CCDC171: variants seen among roughly 807,000 people sequenced by gnomAD.
The protein encoded by CCDC171 is coiled-coil domain containing 171.
Under a neutral mutation model 168.2 loss-of-function variants are expected in CCDC171, and 177 were observed. The observed-to-expected ratio is 1.05, with a 90% CI of 0.93 to 1.19. The LOEUF (loss-of-function observed/expected upper bound fraction) is 1.19. CCDC171 is among the 50% of genes most tolerant of loss of function. The pLI is 0.00. For synonymous variants in CCDC171, 687 were observed against 540.8 expected, an observed-to-expected ratio of 1.27 and a Z score of -3.75; for missense variants, 1,991 against 1,539.0, an observed-to-expected ratio of 1.29 and a Z score of -4.91.
chr9:15,767,227 C>G (rs2056771358), intron 18 of CCDC171, among the ~76,000 whole-genome samples: 1 of 152,092 alleles, frequency 6.6e-6, no homozygotes, highest in Non-Finnish European at 1.5e-5. Flanking sequence ...TCTTATTGGG[C>G]CAAAATCAAG....
At chr9:15,963,080 A>T (rs1241149608) in intron 25 of CCDC171, among the ~76,000 whole-genome samples, 4 of 152,084 alleles carry the variant, frequency 2.6e-5, no homozygotes. Flanking sequence ...TTATTTTTAA[A>T]AAGTTTTGTT....
At chr9:15,658,208 G>A (rs2048077117) in intron 8 of CCDC171, among the ~76,000 whole-genome samples, 2 of 152,206 alleles carry the variant, frequency 1.3e-5, no homozygotes, top group Admixed American at 1.3e-4. Flanking sequence ...ATAATGGTGG[G>A]AAGGCATGAT....
At position 15,648,365 on chromosome 9, in the gene CCDC171, C is replaced by G. The variant is rs569581365; in HGVS notation, c.823-8762C>G. Among the ~76,000 whole-genome samples the G allele has an allele frequency of 3.4e-4, 52 of 152,264 alleles. No individual in the cohort carries two copies. The South Asian group carries it at 6.0e-3, about 18-fold the overall frequency. On this transcript the variant is annotated intron_variant, in intron 7 of 25. Transcript: ENST00000380701. ...TCCAGGGATGCCCTCTCTCACCATT[C>G]CTATTCAACATAGTGTTGGAAGTTC... is the stretch of plus-strand genomic sequence containing the variant.
chr9:15,726,226 C>A (rs1209898249), intron 14 of CCDC171, among the ~76,000 whole-genome samples: 1 of 152,124 alleles, frequency 6.6e-6, no homozygotes, highest in African/African-American at 2.4e-5. Context: ...AGAAGCCTGA[C>A]TATATTGTAA....
At chr9:15,931,658 C>T (rs190897532) in intron 25 of CCDC171, among the ~76,000 whole-genome samples, 2 of 151,134 alleles carry the variant, frequency 1.3e-5, no homozygotes, top group East Asian at 2.0e-4. Context: ...GTTTTTGTTG[C>T]CTGTGTTTTT....
intron 21 of CCDC171, among the ~76,000 whole-genome samples, chr9:15,787,922 A>C (rs1180927147): frequency 6.6e-6 from 1 of 152,218 alleles, no homozygotes; most frequent in Non-Finnish European, 1.5e-5. Context: ...TCCTATTAAT[A>C]GATAATGTAA....
chr9:16,088,712 G>A, the CCDC171 span, among the ~76,000 whole-genome samples: 1 of 152,090 alleles, frequency 6.6e-6, no homozygotes, highest in Non-Finnish European at 1.5e-5. Flanking sequence ...AAATAAGAGA[G>A]GATACAAACA....
At chr9:15,646,555 A>G (rs1019233220) in intron 7 of CCDC171, among the ~76,000 whole-genome samples, 2 of 152,212 alleles carry the variant, frequency 1.3e-5, no homozygotes, top group African/African-American at 4.8e-5. Context: ...GGATGGAGGA[A>G]GATCTACCAA....
chr9:15,948,395 C>T (rs570539793), intron 25 of CCDC171, among the ~76,000 whole-genome samples: 85 of 129,574 alleles, frequency 6.6e-4, no homozygotes, highest in African/African-American at 2.2e-3. Context: ...CCTGAGGAAT[C>T]ACCACACTGA....
chr9:15,871,087 T>C (rs1484292063), intron 23 of CCDC171, among the ~76,000 whole-genome samples: 2 of 151,662 alleles, frequency 1.3e-5, no homozygotes, highest in East Asian at 1.9e-4. Context: ...AGGGAGAAAG[T>C]AAACTGTTCT....
chr9:15,789,783 G>C (rs1314937643), intron 21 of CCDC171, among the ~76,000 whole-genome samples: 2 of 130,446 alleles, frequency 1.5e-5, no homozygotes, highest in African/African-American at 3.0e-5. Context: ...CCCGGTGTGT[G>C]ATGTTCCCCT....
chr9:15,614,458 C>T (rs2043939313), intron 6 of CCDC171, among the ~76,000 whole-genome samples: 1 of 152,068 alleles, frequency 6.6e-6, no homozygotes, highest in South Asian at 2.1e-4. Context: ...CAATTGATTT[C>T]CCTGAATAAA....
the CCDC171 span, among the ~76,000 whole-genome samples, chr9:16,073,041 AT>A: frequency 7.2e-5 from 11 of 152,178 alleles, no homozygotes; most frequent in African/African-American, 2.2e-4. Flanking sequence ...CCTGTGCATT[AT>A]TTTTTAGTCA....
chr9:16,018,745 C>A (rs370577228), intron 3 of CCDC171, among the ~76,000 whole-genome samples: 2 of 152,294 alleles, frequency 1.3e-5, no homozygotes, highest in East Asian at 3.9e-4. Flanking sequence ...ACTGAGTCTA[C>A]TTTTTTTGTT....
chr9:15,695,205 C>A, intron 10 of CCDC171, 30 bp from the exon 11 acceptor site: 1 of 1,463,058 alleles, frequency 6.8e-7, no homozygotes, highest in Non-Finnish European at 9.6e-7. Context: ...AATACGTGAC[C>A]TTATGTGTAA....
intron 18 of CCDC171, among the ~76,000 whole-genome samples, chr9:15,755,529 C>T (rs988560510): frequency 6.6e-6 from 1 of 151,956 alleles, no homozygotes; most frequent in Admixed American, 6.6e-5. Flanking sequence ...AGCATCAGTA[C>T]GCGTGAGTCA....
chr9:15,922,879 A>T (rs1378109560), intron 25 of CCDC171, among the ~76,000 whole-genome samples: 1 of 151,450 alleles, frequency 6.6e-6, no homozygotes, highest in East Asian at 1.9e-4. Flanking sequence ...AGAAATGTCT[A>T]TTTAGGTCTT....
In CCDC171 at chr9:15,960,351, T is replaced by C. The variant is rs538214429; in HGVS notation, c.3754-11258T>C. Among the ~76,000 whole-genome samples the C allele has an allele frequency of 3.9e-5, 6 of 152,302 alleles. 1 individual carries two copies. The South Asian group carries it at 1.2e-3, about 32-fold the overall frequency. ...ACCTGGAACAGTATTTGGCACATCA[T>C]AGGCACTTGATAGATATTTACTGAA... is the stretch of plus-strand genomic sequence containing the variant. On this transcript the variant is annotated intron_variant, in intron 25 of 25. Transcript: ENST00000380701.
At chr9:16,100,049 G>A in the CCDC171 span, among the ~76,000 whole-genome samples, 4 of 151,512 alleles carry the variant, frequency 2.6e-5, no homozygotes, top group East Asian at 7.8e-4. Context: ...CAAAACATCA[G>A]TGAATGCATG....
Sources: gnomAD v4.1 joint callset for allele counts (sites outside exome capture counted in the v4.1 genomes callset) on GRCh38, gnomAD v4.1.1 for gene constraint, MANE v1.5 for transcripts, NCBI Gene and HGNC (gene_info 2026-07-23, HGNC 2026-07-21) for gene names.